GRTP1: variants seen among roughly 807,000 people sequenced by gnomAD.
GRTP1 encodes the protein growth hormone regulated TBC protein 1, also known as growth hormone-regulated TBC protein 1.
A neutral mutation model predicts 38.1 loss-of-function variants in GRTP1; 56 were observed. That is an observed-to-expected ratio of 1.47 (90% CI 1.19 to 1.84). The LOEUF is 1.84. Among genes scored for constraint, GRTP1 ranks in the 40% most tolerant of loss-of-function variants. GRTP1 has a pLI of 0.00. For synonymous variants in GRTP1, 217 were observed against 189.5 expected, an observed-to-expected ratio of 1.14 and a Z score of -1.19; for missense variants, 506 against 453.9, an observed-to-expected ratio of 1.11 and a Z score of -1.04.
At chr13:113,361,109 CAA>C (rs57785391) in intron 2 of GRTP1, among the ~76,000 whole-genome samples, 66,254 of 92,904 alleles carry the variant, frequency 0.71, 21,690 homozygotes, top group South Asian at 0.84. Context: ...GACTTTGACT[CAA>C]AAAAAAAAAA....
chr13:113,353,572 T>C (rs912007), intron 3 of GRTP1, among the ~76,000 whole-genome samples: 57,934 of 151,546 alleles, frequency 0.38, 11,621 homozygotes, highest in East Asian at 0.7. Context: ...GAGACAAGCG[T>C]ACAGTGGGAC....
chr13:113,325,573 C>T (rs763594623), intron 7 of GRTP1, 88 bp downstream of exon 7: 4 of 1,603,432 alleles, frequency 2.5e-6, no homozygotes, highest in Non-Finnish European at 3.4e-6. Context: ...CCGTCCTGTG[C>T]ACCCTCCGGG....
Position 113,326,010 on chromosome 13 carries a change from A to C in GRTP1, c.644T>G (p.Val215Gly). 6.2e-7 allele frequency: 1 copy of C among 1,613,492 alleles called. No individual in the cohort carries two copies. The highest frequency in any genetic ancestry group is 1.1e-5 in the South Asian group (1 of 91,058). ...ACCGAGACGCTCCATCAGGGCCCCCACAGCCGGCAGCTTCGCCCGCACCAG... is the reference window on the plus strand; with the variant it reads ...ACCGAGACGCTCCATCAGGGCCCCCCCAGCCGGCAGCTTCGCCCGCACCAG... ...GELVRAKLPA[V>G]GALMERLGVL... Residue 215 changes from valine (V) to glycine (G), a missense_variant, in exon 6 of 8, where the codon GTG becomes GGG. Val to Gly is a moderately radical substitution (Grantham distance 109, BLOSUM62 -3). Coordinates refer to ENST00000375431, the MANE Select transcript of GRTP1 (RefSeq NM_024719.4).
At chr13:113,347,483 T>G (rs76832710) in intron 4 of GRTP1, among the ~76,000 whole-genome samples, 1 of 20,338 alleles carries the variant, frequency 4.9e-5, no homozygotes, top group Non-Finnish European at 1.0e-4. Flanking sequence ...AGAGCAGACC[T>G]GGGAGGACCT....
intron 5 of GRTP1, among the ~76,000 whole-genome samples, chr13:113,335,340 T>C (rs1357011159): frequency 2.0e-5 from 3 of 151,334 alleles, no homozygotes; most frequent in Admixed American, 2.0e-4. Flanking sequence ...GGAGAATCGC[T>C]TGAACCCAGG....
chr13:113,351,020 GC>G, intron 3 of GRTP1, 47 bp from the exon 4 acceptor site: 1 of 1,608,406 alleles, frequency 6.2e-7, no homozygotes, highest in Non-Finnish European at 8.5e-7. Context: ...TGTTCCACAA[GC>G]CTCCCACCCC....
At chr13:113,324,699 AG>A in intron 7 of GRTP1, 122 bp from the exon 8 acceptor site, 2 of 1,471,024 alleles carry the variant, frequency 1.4e-6, no homozygotes, top group Non-Finnish European at 1.8e-6. Context: ...TCCACATCCA[AG>A]GGCTTCTGGG....
At chr13:113,363,941 C>T (rs1472325415) in intron 1 of GRTP1, 31 bp from the exon 2 acceptor site, 1 of 1,603,794 alleles carries the variant, frequency 6.2e-7, no homozygotes, top group African/African-American at 1.4e-5. Context: ...GGCCGGCGTC[C>T]CCGAAGTTTC....
intron 5 of GRTP1, among the ~76,000 whole-genome samples, chr13:113,339,009 G>A (rs756138685): frequency 3.4e-5 from 5 of 149,038 alleles, no homozygotes; most frequent in Admixed American, 6.8e-5. Flanking sequence ...TGCCTCCCAG[G>A]TTTAAGTGAT....
intron 5 of GRTP1, among the ~76,000 whole-genome samples, 182 bp downstream of exon 5, chr13:113,344,681 C>T (rs2043072800): frequency 7.2e-6 from 1 of 139,736 alleles, no homozygotes; most frequent in Admixed American, 8.0e-5. Context: ...CCACTGCACT[C>T]CAGCCTGGGC....
chr13:113,349,987 G>A lies in GRTP1; in HGVS notation c.465+862C>T, dbSNP rs533005797. 3.1e-3 allele frequency among the ~76,000 whole-genome samples: 475 copies of A among 152,196 alleles called. 12 individuals are homozygous for A. The highest frequency in any genetic ancestry group is 1.1e-3 in the Non-Finnish European group (76 of 68,008). ...GCACATGGCCTAAAATGCCAGGAAC[G>A]CACTCTCCAATCCCGGTGGCAGCCG... is the stretch of plus-strand genomic sequence containing the variant. On this transcript the variant is annotated intron_variant, in intron 4 of 7. Transcript: ENST00000375431. The surrounding 1 kb of genome is among the most constrained non-coding windows in gnomAD (Gnocchi z 5.0).
intron 3 of GRTP1, among the ~76,000 whole-genome samples, chr13:113,354,857 ACTT>A (rs1359290008): frequency 6.6e-6 from 1 of 152,186 alleles, no homozygotes; most frequent in Non-Finnish European, 1.5e-5. Context: ...AGCACTCTGA[ACTT>A]CTGAGAGCCA....
intron 5 of GRTP1, 38 bp from the exon 6 acceptor site, chr13:113,326,129 C>G: frequency 6.3e-7 from 1 of 1,597,266 alleles, no homozygotes; most frequent in Non-Finnish European, 8.5e-7. Flanking sequence ...CGAGACACTC[C>G]CGTCACCTCC....
chr13:113,328,742 G>C (rs1451875584), intron 5 of GRTP1, among the ~76,000 whole-genome samples: 1 of 152,218 alleles, frequency 6.6e-6, no homozygotes, highest in East Asian at 1.9e-4. Context: ...GGCTGGTCTA[G>C]AATTCCTGGG....
chr13:113,350,848 C>T lies in GRTP1; in HGVS notation c.465+1G>A, dbSNP rs1185277702. On this transcript the variant is annotated splice_donor_variant, in intron 4 of 7. Transcript: ENST00000375431. LOFTEE classifies it high-confidence loss of function. ...TGGCGTCAGAGGGTCCCGAGGCTCA[C>T]CTGGCAGTAGCCCACTCCCTGGTTA... 7 of 1,566,934 alleles carry T rather than the reference C, an allele frequency of 4.5e-6. No individual in the cohort carries two copies. Among genetic ancestry groups the T allele is most frequent in the Admixed American group, 1.7e-5 (1 of 57,294 alleles).
intron 3 of GRTP1, among the ~76,000 whole-genome samples, chr13:113,353,028 C>G (rs2043314632): frequency 6.6e-6 from 1 of 151,738 alleles, no homozygotes; most frequent in Non-Finnish European, 1.5e-5. Flanking sequence ...CAGCCCCACA[C>G]TCTGGGTAGG....
intron 3 of GRTP1, among the ~76,000 whole-genome samples, 189 bp from the exon 4 acceptor site, chr13:113,351,162 T>C (rs933462865): frequency 6.6e-6 from 1 of 152,140 alleles, no homozygotes; most frequent in African/African-American, 2.4e-5. Context: ...GGGGTGATCC[T>C]GAACTCGGGG....
Position 113,324,522 on chromosome 13 carries a change from T to C in GRTP1, c.977A>G (p.Glu326Gly), listed in dbSNP as rs751238619. The C allele has an allele frequency of 4.3e-6, 7 of 1,611,814 alleles. No individual in the cohort carries two copies. Among genetic ancestry groups the C allele is most frequent in the Admixed American group, 1.7e-5 (1 of 59,790 alleles). The part of the protein sequence containing the change: ...LSMATVAKLR[E>G]SCRARLLAQG ...TGCCAGCAGCCGGGCCCTGCAGCTCTCGCGGAGCTTGGCGACGGTGGCCAT... is the reference window on the plus strand; with the variant it reads ...TGCCAGCAGCCGGGCCCTGCAGCTCCCGCGGAGCTTGGCGACGGTGGCCAT... Residue 326 changes from glutamate to glycine, a missense_variant, in exon 8 of 8, where the codon GAG becomes GGG. By Grantham distance (98) the Glu-to-Gly change is moderately conservative. Coordinates refer to ENST00000375431, the MANE Select transcript of GRTP1 (RefSeq NM_024719.4).
intron 5 of GRTP1, among the ~76,000 whole-genome samples, chr13:113,335,892 A>G (rs1312144331): frequency 6.6e-6 from 1 of 152,026 alleles, no homozygotes; most frequent in East Asian, 1.9e-4. Flanking sequence ...TCCTAGGTTC[A>G]AGCGATTCTC....
Sources: allele counts gnomAD v4.1 joint callset (sites outside exome capture counted in the v4.1 genomes callset), GRCh38; gene constraint gnomAD v4.1.1; non-coding constraint Gnocchi (gnomAD v3.1); transcripts MANE v1.5; gene names NCBI Gene and HGNC (gene_info 2026-07-23, HGNC 2026-07-21).